The following MCM9 variants were observed in gnomAD, a reference collection of about 807,000 sequenced individuals.
MCM9 encodes the protein minichromosome maintenance 9 homologous recombination repair factor.
In MCM9, 55 loss-of-function variants were observed where a neutral mutation model predicts 72.8. That is an observed-to-expected ratio of 0.76 (90% CI 0.61 to 0.95). The LOEUF (loss-of-function observed/expected upper bound fraction) is 0.95, where lower values mean the gene tolerates loss of function less well. MCM9 is among the 40% of genes least tolerant of loss of function. The pLI is 0.00. For synonymous variants in MCM9, 480 were observed against 503.4 expected, an observed-to-expected ratio of 0.95 and a Z score of 0.62; for missense variants, 1,279 against 1,377.0, an observed-to-expected ratio of 0.93 and a Z score of 1.13.
intron 8 of MCM9, among the ~76,000 whole-genome samples, chr6:118,881,115 G>A (rs1359588711): frequency 6.6e-6 from 1 of 152,168 alleles, no homozygotes; most frequent in Non-Finnish European, 1.5e-5. Context: ...TTTTCAGACA[G>A]TGATTGACTA....
chr6:118,923,375 C>G (rs1297627777), intron 4 of MCM9, among the ~76,000 whole-genome samples: 3 of 151,776 alleles, frequency 2.0e-5, no homozygotes, highest in Non-Finnish European at 2.9e-5. Context: ...ACCCAGAACT[C>G]CTTGGTTCAA....
intron 8 of MCM9, among the ~76,000 whole-genome samples, chr6:118,906,816 A>G (rs1780209687): frequency 6.6e-6 from 1 of 152,222 alleles, no homozygotes; most frequent in South Asian, 2.1e-4. Flanking sequence ...AAGAAAAATT[A>G]CATGACAATA....
intron 10 of MCM9, 37 bp from the exon 11 acceptor site, chr6:118,828,167 G>A: frequency 6.8e-7 from 1 of 1,468,274 alleles, no homozygotes; most frequent in South Asian, 1.3e-5. Flanking sequence ...AAGTTCTTAG[G>A]ACAGGCAAAC....
intron 9 of MCM9, among the ~76,000 whole-genome samples, chr6:118,853,087 A>G (rs1160438878): frequency 6.6e-6 from 1 of 152,184 alleles, no homozygotes; most frequent in African/African-American, 2.4e-5. Context: ...TTTTGGGTGA[A>G]TATGAACAAA....
At chr6:118,900,896 G>T (rs1245434998) in intron 8 of MCM9, 1 of 1,521,386 alleles carries the variant, frequency 6.6e-7, no homozygotes. Flanking sequence ...GATTAATCTT[G>T]GTAAATGTGT....
intron 6 of MCM9, among the ~76,000 whole-genome samples, chr6:118,916,175 T>G (rs1388888575): frequency 6.6e-6 from 1 of 150,752 alleles, no homozygotes; most frequent in African/African-American, 2.4e-5. Context: ...AAACATAGCA[T>G]AGTGAGAACC....
At chr6:118,911,792 A>C in intron 7 of MCM9, 23 bp from the exon 8 acceptor site, 2 of 1,579,140 alleles carry the variant, frequency 1.3e-6, no homozygotes, top group African/African-American at 2.7e-5. Flanking sequence ...AAATACATGA[A>C]GTTTTAAATT....
At chr6:118,823,204 G>A (rs1441819910) in intron 13 of MCM9, among the ~76,000 whole-genome samples, 2 of 152,138 alleles carry the variant, frequency 1.3e-5, no homozygotes, top group African/African-American at 4.8e-5. Flanking sequence ...TTGCCACCCA[G>A]TTTTGTGCTT....
chr6:118,839,362 G>A (rs1369122401), intron 9 of MCM9, among the ~76,000 whole-genome samples: 2 of 151,904 alleles, frequency 1.3e-5, no homozygotes, highest in Admixed American at 1.3e-4. Flanking sequence ...CTTGCACTGG[G>A]TTAGAACATG....
intron 8 of MCM9, among the ~76,000 whole-genome samples, chr6:118,879,673 C>G (rs1157777316): frequency 6.7e-6 from 1 of 150,112 alleles, no homozygotes; most frequent in Non-Finnish European, 1.5e-5. Context: ...TGGCCTTTTA[C>G]AGAAAAAGGA....
At chr6:118,890,456 T>C (rs1462941661) in intron 8 of MCM9, among the ~76,000 whole-genome samples, 1 of 151,912 alleles carries the variant, frequency 6.6e-6, no homozygotes, top group African/African-American at 2.4e-5. Flanking sequence ...CAAGAAAACA[T>C]TTTTTCTTTT....
chr6:118,884,181 C>T (rs959251973), intron 8 of MCM9, among the ~76,000 whole-genome samples: 9 of 152,160 alleles, frequency 5.9e-5, no homozygotes, highest in Non-Finnish European at 1.2e-4. Context: ...AACTCTTGCT[C>T]TTCCTTCTTT....
At chr6:118,869,736 C>T (rs577538519) in intron 8 of MCM9, among the ~76,000 whole-genome samples, 1 of 151,382 alleles carries the variant, frequency 6.6e-6, no homozygotes, top group African/African-American at 2.4e-5. Flanking sequence ...TAAAAAAGAC[C>T]TAACATAGGA....
chr6:118,814,039 A>C lies in MCM9; in HGVS notation c.*785T>G, dbSNP rs1013968112. On this transcript the variant is annotated 3_prime_UTR_variant, in exon 14 of 14. Coordinates refer to ENST00000619706, the MANE Select transcript of MCM9 (RefSeq NM_017696.3). ...CTCCCCGAGTAGCTAGGACTACAGG[A>C]GTGAGTCACTGTGCCTGGCTCATAC... 5.3e-5 allele frequency: 8 copies of C among 152,196 alleles called. No homozygotes were observed. Among genetic ancestry groups the C allele is most frequent in the Non-Finnish European group, 1.0e-4 (7 of 68,062 alleles). The allele number at this position is 152,196 out of a possible 1,614,324, so 9.4% of individuals were successfully genotyped here. A position where few individuals can be genotyped will look rare whatever the true frequency, so the allele number is the denominator to read the frequency against.
rs181244029 is a variant in MCM9, at chr6:118,836,224, T to A, written c.1326-6974A>T. 8.5e-5 allele frequency among the ~76,000 whole-genome samples: 13 copies of A among 152,348 alleles called. 1 individual carries two copies. Among genetic ancestry groups the A allele is most frequent in the Admixed American group, 8.5e-4 (13 of 15,298 alleles). Reference sequence around the variant, plus strand: ...AACTTGATCGTGGTGGACAGGCTTTTTGATGTGCTTCTGGATTCAGTTTGC... The same window carrying A: ...AACTTGATCGTGGTGGACAGGCTTTATGATGTGCTTCTGGATTCAGTTTGC... On this transcript the variant is annotated intron_variant, in intron 9 of 13. Transcript: ENST00000619706.
chr6:118,924,831 C>A (rs1781747760), intron 3 of MCM9, among the ~76,000 whole-genome samples: 1 of 152,146 alleles, frequency 6.6e-6, no homozygotes, highest in African/African-American at 2.4e-5. Context: ...ACCGCTGGGG[C>A]CCAGGAGTTC....
intron 6 of MCM9, among the ~76,000 whole-genome samples, chr6:118,915,463 C>G (rs1030078534): frequency 3.3e-5 from 5 of 152,188 alleles, no homozygotes; most frequent in African/African-American, 9.6e-5. Context: ...ACCCTTACAT[C>G]TGGGTTTCTA....
intron 8 of MCM9, among the ~76,000 whole-genome samples, chr6:118,860,863 A>C (rs1776855669): frequency 6.6e-6 from 1 of 152,164 alleles, no homozygotes; most frequent in African/African-American, 2.4e-5. Flanking sequence ...CTTTATTTCT[A>C]TTATCACATC....
chr6:118,875,115 A>AAAAC (rs1022717954), intron 8 of MCM9, among the ~76,000 whole-genome samples: 1 of 152,202 alleles, frequency 6.6e-6, no homozygotes, highest in African/African-American at 2.4e-5. Flanking sequence ...CTCCGTTTCA[A>AAAAC]AAACAAACAA....
Sources: allele counts gnomAD v4.1 joint callset (sites outside exome capture counted in the v4.1 genomes callset), GRCh38; gene constraint gnomAD v4.1.1; transcripts MANE v1.5; gene names NCBI Gene and HGNC (gene_info 2026-07-23, HGNC 2026-07-21).